SPATA17: variants seen among roughly 807,000 people sequenced by gnomAD.
SPATA17 encodes the protein spermatogenesis-associated protein 17.
Under a neutral mutation model 62.2 loss-of-function variants are expected in SPATA17, and 53 were observed. The ratio of observed to expected loss-of-function variants is 0.85; its 90% CI spans 0.68 to 1.07. SPATA17 has a LOEUF of 1.07. SPATA17 is among the 50% of genes least tolerant of loss of function. The pLI is 0.00. For missense variants in SPATA17, 466 were observed against 425.5 expected (o/e 1.10, Z -0.84); for synonymous variants, 146 against 146.8 (o/e 0.99, Z 0.04).
intron 3 of SPATA17, among the ~76,000 whole-genome samples, chr1:217,654,908 T>A (rs1670405167): frequency 6.6e-6 from 1 of 152,072 alleles, no homozygotes; most frequent in Non-Finnish European, 1.5e-5. Context: ...AGATGGGGTT[T>A]TGCCGTGTTA....
intron 9 of SPATA17, among the ~76,000 whole-genome samples, chr1:217,859,194 T>G (rs2103015417): frequency 6.8e-6 from 1 of 146,466 alleles, no homozygotes; most frequent in South Asian, 2.1e-4. Flanking sequence ...ATTATAAATA[T>G]ATTTTAAAAT....
At chr1:217,781,550 C>T (rs907043366) in intron 7 of SPATA17, among the ~76,000 whole-genome samples, 3 of 152,114 alleles carry the variant, frequency 2.0e-5, no homozygotes, top group African/African-American at 7.2e-5. Context: ...TGTGGACTTT[C>T]CTCTGCTAAG....
chr1:217,668,002 C>T (rs1571718326), intron 3 of SPATA17, among the ~76,000 whole-genome samples: 1 of 152,332 alleles, frequency 6.6e-6, no homozygotes, highest in East Asian at 1.9e-4. Context: ...ATTCAAACAA[C>T]ACTAATTACA....
intron 9 of SPATA17, among the ~76,000 whole-genome samples, chr1:217,837,711 T>C (rs1203309286): frequency 2.0e-5 from 3 of 152,162 alleles, no homozygotes; most frequent in Non-Finnish European, 2.9e-5. Context: ...TGTTTATTTC[T>C]TAAGTCTTAC....
intron 9 of SPATA17, among the ~76,000 whole-genome samples, chr1:217,843,766 C>G (rs72730519): frequency 1.5e-3 from 233 of 152,216 alleles, no homozygotes; most frequent in Non-Finnish European, 2.6e-3. Context: ...ACTTTATATA[C>G]AAGTTAGGCA....
At chr1:217,842,371 G>A (rs1035076375) in intron 9 of SPATA17, among the ~76,000 whole-genome samples, 1 of 151,954 alleles carries the variant, frequency 6.6e-6, no homozygotes. Flanking sequence ...GGAAGAGTTT[G>A]TGTGACATTG....
At chr1:217,708,336 A>G (rs1191867941) in intron 5 of SPATA17, among the ~76,000 whole-genome samples, 1 of 152,138 alleles carries the variant, frequency 6.6e-6, no homozygotes, top group Non-Finnish European at 1.5e-5. Flanking sequence ...GAGAAGATAC[A>G]AATAAATAAA....
chr1:217,720,694 A>T (rs776127779), intron 5 of SPATA17, among the ~76,000 whole-genome samples: 2 of 152,204 alleles, frequency 1.3e-5, no homozygotes, highest in Non-Finnish European at 2.9e-5. Flanking sequence ...TAATTTACAA[A>T]AACATACAGG....
chr1:217,829,654 A>AG (rs1675086928), intron 9 of SPATA17, among the ~76,000 whole-genome samples: 1 of 137,730 alleles, frequency 7.3e-6, no homozygotes, highest in Non-Finnish European at 1.6e-5. Flanking sequence ...AAAAAAAAAA[A>AG]TACTGCATTT....
intron 3 of SPATA17, among the ~76,000 whole-genome samples, chr1:217,660,844 CTGAT>C (rs1402885860): frequency 6.6e-6 from 1 of 152,110 alleles, no homozygotes; most frequent in East Asian, 1.9e-4. Flanking sequence ...CTCAGCAAAG[CTGAT>C]TGATAGTTAT....
chr1:217,758,387 T>C (rs1211343858), intron 6 of SPATA17, among the ~76,000 whole-genome samples: 1 of 152,180 alleles, frequency 6.6e-6, no homozygotes, highest in Non-Finnish European at 1.5e-5. Flanking sequence ...CTGTTCAAAG[T>C]GCCTTAGCTT....
chr1:217,774,113 C>T (rs1673527483), intron 6 of SPATA17, among the ~76,000 whole-genome samples: 1 of 152,114 alleles, frequency 6.6e-6, no homozygotes, highest in African/African-American at 2.4e-5. Flanking sequence ...ATGTTTAGTG[C>T]TCAATTCTGA....
At chr1:217,700,064 A>T (rs2102918520) in intron 5 of SPATA17, among the ~76,000 whole-genome samples, 1 of 152,064 alleles carries the variant, frequency 6.6e-6, no homozygotes, top group East Asian at 1.9e-4. Context: ...ATCTACTGTA[A>T]CTATATAATA....
intron 5 of SPATA17, among the ~76,000 whole-genome samples, chr1:217,738,298 A>G (rs1010248319): frequency 3.3e-5 from 5 of 152,204 alleles, no homozygotes; most frequent in African/African-American, 9.6e-5. Context: ...CTCATATTCC[A>G]TGCTCTATAT....
chr1:217,827,930 G>A (rs1675039629), intron 9 of SPATA17, among the ~76,000 whole-genome samples: 1 of 152,116 alleles, frequency 6.6e-6, no homozygotes, highest in African/African-American at 2.4e-5. Context: ...GCTAATGCAT[G>A]CTGGGCTTAA....
intron 4 of SPATA17, among the ~76,000 whole-genome samples, chr1:217,672,214 T>A (rs2102898797): frequency 6.6e-6 from 1 of 152,350 alleles, no homozygotes; most frequent in East Asian, 1.9e-4. Flanking sequence ...TACCAGTAGC[T>A]GAAGTTTTAT....
chr1:217,672,606 C>T (rs1273996089), intron 4 of SPATA17, among the ~76,000 whole-genome samples: 1 of 151,770 alleles, frequency 6.6e-6, no homozygotes, highest in Non-Finnish European at 1.5e-5. Context: ...GCCTATCCAT[C>T]CCTAAATAGA....
chr1:217,720,985 C>T (rs1434556696), intron 5 of SPATA17, among the ~76,000 whole-genome samples: 1 of 152,070 alleles, frequency 6.6e-6, no homozygotes, highest in African/African-American at 2.4e-5. Context: ...ACATATATAT[C>T]CAGATTCACA....
intron 4 of SPATA17, among the ~76,000 whole-genome samples, chr1:217,681,529 A>G (rs1251540519): frequency 6.6e-6 from 1 of 151,812 alleles, no homozygotes. Flanking sequence ...GCACACCACC[A>G]TGCCCAGTTT....
Sources: gnomAD v4.1 joint callset for allele counts (sites outside exome capture counted in the v4.1 genomes callset) on GRCh38, gnomAD v4.1.1 for gene constraint, MANE v1.5 for transcripts, NCBI Gene and HGNC (gene_info 2026-07-23, HGNC 2026-07-21) for gene names.